KDM4C: variants seen among roughly 807,000 people sequenced by gnomAD.
KDM4C encodes the protein lysine-specific demethylase 4C.
In KDM4C, 81 loss-of-function variants were observed where a neutral mutation model predicts 129.3. The ratio of observed to expected loss-of-function variants is 0.63; its 90% CI spans 0.52 to 0.75. The LOEUF (loss-of-function observed/expected upper bound fraction) is 0.75. Among genes scored for constraint, KDM4C ranks in the 30% least tolerant of loss-of-function variants. The pLI, the probability that KDM4C is intolerant of heterozygous loss-of-function variation, is 0.00. For synonymous variants in KDM4C, 573 were observed against 456.1 expected (o/e 1.26, Z -3.26); for missense variants, 1,457 against 1,304.0 (o/e 1.12, Z -1.81).
intron 19 of KDM4C, 79 bp downstream of exon 19, chr9:7,128,315 T>C: frequency 8.1e-7 from 1 of 1,235,996 alleles, no homozygotes; most frequent in South Asian, 2.2e-5. Flanking sequence ...CTTCAGAATT[T>C]TTCTTTTGGC....
rs568700647 is a variant in KDM4C, at chr9:6,824,488, T to G, written c.435+9743T>G. 2.8e-4 allele frequency among the ~76,000 whole-genome samples: 43 copies of G among 152,316 alleles called. No homozygotes were observed. The Middle Eastern group carries it at 0.02, about 72-fold the overall frequency. On this transcript the variant is annotated intron_variant, in intron 4 of 21. Transcript: ENST00000381309. Reference sequence around the variant, plus strand: ...TCTGAACTCTTTTACTCCAAGACAGTAGTTCTCAAACTTTCATCTTAAGGC... The same window carrying G: ...TCTGAACTCTTTTACTCCAAGACAGGAGTTCTCAAACTTTCATCTTAAGGC...
At chr9:7,078,744 A>G (rs1834200480) in intron 17 of KDM4C, among the ~76,000 whole-genome samples, 1 of 152,216 alleles carries the variant, frequency 6.6e-6, no homozygotes, top group Non-Finnish European at 1.5e-5. Context: ...AAATATCTAT[A>G]TTTACAATGT....
chr9:6,945,480 C>T (rs376042393), intron 8 of KDM4C, among the ~76,000 whole-genome samples: 1 of 152,042 alleles, frequency 6.6e-6, no homozygotes, highest in East Asian at 1.9e-4. Context: ...GTATCTTGAA[C>T]TCATGATTAG....
chr9:6,820,935 T>G (rs1209411351), intron 4 of KDM4C, among the ~76,000 whole-genome samples: 1 of 151,418 alleles, frequency 6.6e-6, no homozygotes, highest in Non-Finnish European at 1.5e-5. Flanking sequence ...GTGATCTCAT[T>G]GTTCAATTCC....
At chr9:6,838,508 C>T (rs1836288076) in intron 4 of KDM4C, among the ~76,000 whole-genome samples, 1 of 152,130 alleles carries the variant, frequency 6.6e-6, no homozygotes, top group African/African-American at 2.4e-5. Flanking sequence ...GAGTCTCAAG[C>T]TCACTGCAGT....
At chr9:6,731,151 CTG>C (rs1264909773) in intron 1 of KDM4C, among the ~76,000 whole-genome samples, 1 of 152,036 alleles carries the variant, frequency 6.6e-6, no homozygotes, top group Non-Finnish European at 1.5e-5. Flanking sequence ...AAACAGAACA[CTG>C]TGGGCTTTGC....
chr9:7,002,030 C>G (rs1054052416), intron 12 of KDM4C, among the ~76,000 whole-genome samples: 1 of 152,006 alleles, frequency 6.6e-6, no homozygotes, highest in African/African-American at 2.4e-5. Flanking sequence ...GTATCTAGGA[C>G]TACAGGCACG....
intron 8 of KDM4C, among the ~76,000 whole-genome samples, chr9:6,933,176 A>C (rs1034139094): frequency 5.9e-5 from 9 of 152,354 alleles, no homozygotes; most frequent in Admixed American, 1.3e-4. Flanking sequence ...TTTCTATTGG[A>C]CATTCTGGAA....
At chr9:6,925,591 G>A in intron 8 of KDM4C, 1 of 985,366 alleles carries the variant, frequency 1.0e-6, no homozygotes, top group Non-Finnish European at 1.2e-6. Context: ...CCATGCCTGG[G>A]CAGACCCTCA....
chr9:6,925,455 C>G, intron 8 of KDM4C: 2 of 776,846 alleles, frequency 2.6e-6, no homozygotes, highest in Non-Finnish European at 3.1e-6. Flanking sequence ...TCCCCCTTCC[C>G]CCTCTCCTCC....
intron 1 of KDM4C, among the ~76,000 whole-genome samples, chr9:6,744,443 T>A (rs1817811860): frequency 6.6e-6 from 1 of 152,110 alleles, no homozygotes; most frequent in Non-Finnish European, 1.5e-5. Context: ...GAGAATTGCT[T>A]GAACCTGGGA....
At chr9:6,864,157 A>T (rs897435598) in intron 5 of KDM4C, among the ~76,000 whole-genome samples, 2 of 152,118 alleles carry the variant, frequency 1.3e-5, no homozygotes, top group Non-Finnish European at 2.9e-5. Context: ...GTATTGAAGA[A>T]TTCCCTTTAA....
At position 6,725,842 on chromosome 9, in the gene KDM4C, T is replaced by C. The variant is rs1426818386; in HGVS notation, c.49+4845T>C. Among the ~76,000 whole-genome samples, 121 of 151,308 alleles carry C rather than the reference T, an allele frequency of 8.0e-4. 1 individual carries two copies. Among genetic ancestry groups the C allele is most frequent in the Non-Finnish European group, 2.5e-4 (17 of 67,910 alleles). On this transcript the variant is annotated intron_variant, in intron 1 of 17. Coordinates refer to the KDM4C transcript ENST00000536108. ...CCCCTGCTTCAGCCTCCCAAGTAGC[T>C]GGGATTACAGGCAACTGCCACCACA... is the stretch of plus-strand genomic sequence containing the variant.
intron 12 of KDM4C, among the ~76,000 whole-genome samples, chr9:7,005,681 C>T (rs1821539540): frequency 6.6e-6 from 1 of 152,090 alleles, no homozygotes; most frequent in Non-Finnish European, 1.5e-5. Context: ...TGTTGGAGGC[C>T]TAGAGGGGAA....
At chr9:7,146,493 A>G (rs1214058635) in intron 19 of KDM4C, among the ~76,000 whole-genome samples, 3 of 152,190 alleles carry the variant, frequency 2.0e-5, no homozygotes, top group East Asian at 3.8e-4. Flanking sequence ...TCTGGAATAT[A>G]GGAACCATAT....
chr9:6,737,152 A>G (rs1817550791), intron 1 of KDM4C, among the ~76,000 whole-genome samples: 1 of 151,954 alleles, frequency 6.6e-6, no homozygotes. Flanking sequence ...ACAAATAAAT[A>G]TAATTAAATT....
chr9:6,799,227 A>C (rs1195005609), intron 2 of KDM4C, among the ~76,000 whole-genome samples: 1 of 151,466 alleles, frequency 6.6e-6, no homozygotes, highest in Non-Finnish European at 1.5e-5. Flanking sequence ...TGGGAGGTGG[A>C]GGTTGTAGCG....
Position 7,049,126 on chromosome 9 carries a change from G to A in KDM4C, c.2350G>A (p.Glu784Lys). ...TGTCATGTGCGCCGTTGCGGTCCCA[G>A]AAGTTCGATTCACTAATGTCCCAGA... ...AHVMCAVAVPEVRFTNVPERT... is the reference protein window; with the variant it reads ...AHVMCAVAVPKVRFTNVPERT... Residue 784 changes from glutamate (E) to lysine (K), a missense_variant, in exon 17 of 22, where the codon GAA (glutamate) becomes AAA (lysine). Physicochemically the swap from Glu to Lys is moderately conservative, Grantham distance 56. Coordinates refer to ENST00000381309, the MANE Select transcript of KDM4C (RefSeq NM_015061.6). 6.2e-7 allele frequency: 1 copy of A among 1,612,704 alleles called. No individual in the cohort carries two copies.
chr9:6,891,533 A>G (rs1019933127), intron 7 of KDM4C, among the ~76,000 whole-genome samples: 1 of 152,168 alleles, frequency 6.6e-6, no homozygotes, highest in Non-Finnish European at 1.5e-5. Flanking sequence ...GATGACAGCT[A>G]AAGGGTGAGG....
Sources: allele counts gnomAD v4.1 joint callset (sites outside exome capture counted in the v4.1 genomes callset), GRCh38; gene constraint gnomAD v4.1.1; transcripts MANE v1.5; gene names NCBI Gene and HGNC (gene_info 2026-07-23, HGNC 2026-07-21).